Variants in KCNJ6 observed in about 807,000 individuals in gnomAD.
KCNJ6 encodes potassium inwardly rectifying channel subfamily J member 6, also known as G protein-activated inward rectifier potassium channel 2.
KCNJ6 carries 9 observed loss-of-function variants against 34.2 expected under a neutral mutation model. The ratio of observed to expected loss-of-function variants is 0.26; its 90% CI spans 0.16 to 0.46. The LOEUF is 0.46. KCNJ6 is among the 20% of genes least tolerant of loss of function. The pLI, the probability that KCNJ6 is intolerant of heterozygous loss-of-function variation, is 1.00. For missense variants in KCNJ6, 236 were observed against 531.3 expected (o/e 0.44, Z 5.46); for synonymous variants, 196 against 207.1 (o/e 0.95, Z 0.46).
At chr21:37,691,677 A>G (rs2054640363) in intron 3 of KCNJ6, among the ~76,000 whole-genome samples, 1 of 152,160 alleles carries the variant, frequency 6.6e-6, no homozygotes. Context: ...TTTTTGGCAA[A>G]TCCAAAATCT....
At chr21:37,734,666 C>T (rs1027692796) in intron 2 of KCNJ6, among the ~76,000 whole-genome samples, 17 of 151,994 alleles carry the variant, frequency 1.1e-4, no homozygotes, top group Admixed American at 8.5e-4. Flanking sequence ...TACATCCTTG[C>T]AGTGGGGGTG....
In KCNJ6 at chr21:37,613,956, T is replaced by C. The variant is rs892147295; in HGVS notation, c.*11203A>G. On this transcript the variant is annotated 3_prime_UTR_variant, in exon 4 of 4. Transcript: ENST00000609713. ...CTCATCCATTTCCACAGATGTACCA[T>C]TGTGGTTTGGCATATCACTCGTGGG... 1 of 138,578 alleles carries C rather than the reference T, an allele frequency of 7.2e-6. No individual in the cohort carries two copies. Among genetic ancestry groups the C allele is most frequent in the African/African-American group, 2.6e-5 (1 of 39,164 alleles). 8.6% of individuals were successfully genotyped at this position (138,578 alleles called of 1,614,324 possible).
chr21:37,728,962 G>A lies in KCNJ6; in HGVS notation c.26-13831C>T, dbSNP rs2054869955. 3.3e-5 allele frequency among the ~76,000 whole-genome samples: 5 copies of A among 152,268 alleles called. No individual in the cohort carries two copies. In the South Asian group the frequency reaches 8.3e-4, roughly 25 times the overall value. On this transcript the variant is annotated intron_variant, in intron 2 of 3. Coordinates refer to ENST00000609713, the MANE Select transcript of KCNJ6 (RefSeq NM_002240.5). The stretch of plus-strand genomic sequence containing the variant: ...TGTCTGTGTTGTCATGTGAAGGTGA[G>A]CTGGTTTTGATTTGCTGTGTCCCTT...
intron 1 of KCNJ6, among the ~76,000 whole-genome samples, chr21:37,899,891 T>C (rs2055808208): frequency 6.6e-6 from 1 of 152,206 alleles, no homozygotes; most frequent in Admixed American, 6.5e-5. Flanking sequence ...GGTGTTTGCT[T>C]GGTGTCTGAT....
intron 2 of KCNJ6, among the ~76,000 whole-genome samples, chr21:37,737,159 C>T (rs2054917279): frequency 6.6e-6 from 1 of 152,200 alleles, no homozygotes; most frequent in Non-Finnish European, 1.5e-5. Context: ...CACTGTGCAT[C>T]AGTGCCCGAT....
intron 3 of KCNJ6, among the ~76,000 whole-genome samples, chr21:37,655,999 G>T (rs930250609): frequency 6.6e-6 from 1 of 152,126 alleles, no homozygotes; most frequent in Non-Finnish European, 1.5e-5. Context: ...CATGGCCCAT[G>T]GGGGGGCCTT....
chr21:37,901,972 T>C (rs2055819018), intron 1 of KCNJ6, among the ~76,000 whole-genome samples: 1 of 152,210 alleles, frequency 6.6e-6, no homozygotes, highest in Non-Finnish European at 1.5e-5. Flanking sequence ...ATTTTGTAGC[T>C]AGAAAACCTG....
In KCNJ6 at chr21:37,610,096, G is replaced by A. The variant is rs1396045326; in HGVS notation, c.*15063C>T. 6.6e-6 allele frequency: 1 copy of A among 152,194 alleles called. No individual in the cohort carries two copies. Among genetic ancestry groups the A allele is most frequent in the Non-Finnish European group, 1.5e-5 (1 of 68,072 alleles). 9.4% of individuals were successfully genotyped at this position (152,194 alleles called of 1,614,324 possible). ...AGTTAATTTCCCTGCTGCCAGCAAG[G>A]GAATCAGTTAAATGATGAAAACAGC... On this transcript the variant is annotated 3_prime_UTR_variant, in exon 4 of 4. Transcript: ENST00000609713.
intron 1 of KCNJ6, among the ~76,000 whole-genome samples, chr21:37,880,337 C>T (rs985210896): frequency 3.4e-4 from 51 of 152,220 alleles, no homozygotes; most frequent in African/African-American, 1.2e-3. Flanking sequence ...TGTACACCAC[C>T]TCTCACCTCT....
intron 1 of KCNJ6, among the ~76,000 whole-genome samples, chr21:37,878,788 G>A (rs548022005): frequency 6.6e-6 from 1 of 152,344 alleles, no homozygotes; most frequent in East Asian, 1.9e-4. Flanking sequence ...AGAGCGGTAT[G>A]TGGGAGGGGG....
At chr21:37,892,440 T>G (rs2055766709) in intron 1 of KCNJ6, among the ~76,000 whole-genome samples, 2 of 152,204 alleles carry the variant, frequency 1.3e-5, no homozygotes, top group Admixed American at 6.5e-5. Flanking sequence ...TTAATGACTG[T>G]TAGTATCTGG....
chr21:37,671,021 ATATT>A (rs1304304726), intron 3 of KCNJ6, among the ~76,000 whole-genome samples: 2 of 152,168 alleles, frequency 1.3e-5, no homozygotes, highest in Non-Finnish European at 2.9e-5. Context: ...TGTGAAATAT[ATATT>A]TGGCCTTTAT....
At chr21:37,807,801 C>T (rs2055301191) in intron 2 of KCNJ6, among the ~76,000 whole-genome samples, 1 of 152,212 alleles carries the variant, frequency 6.6e-6, no homozygotes, top group Non-Finnish European at 1.5e-5. Context: ...CATGGCTTTG[C>T]TCCGCAGGCC....
chr21:37,863,883 A>G (rs1227816590), intron 1 of KCNJ6, among the ~76,000 whole-genome samples: 1 of 71,328 alleles, frequency 1.4e-5, no homozygotes, highest in East Asian at 3.9e-4. Context: ...TTTGGTGAAG[A>G]GAGAGAAGGT....
At chr21:37,703,830 G>A (rs1416605033) in intron 3 of KCNJ6, among the ~76,000 whole-genome samples, 1 of 136 alleles carries the variant, frequency 7.4e-3, no homozygotes, top group Admixed American at 0.056. Context: ...TGCCTGGCTG[G>A]CACAGGGAAC....
At chr21:37,631,705 T>C (rs1290517420) in intron 3 of KCNJ6, among the ~76,000 whole-genome samples, 1 of 151,854 alleles carries the variant, frequency 6.6e-6, no homozygotes, top group African/African-American at 2.4e-5. Flanking sequence ...GCAGAACAAG[T>C]GCTGGCAAGA....
intron 1 of KCNJ6, among the ~76,000 whole-genome samples, chr21:37,882,880 A>G (rs1336440826): frequency 6.6e-6 from 1 of 152,356 alleles, no homozygotes; most frequent in Middle Eastern, 3.4e-3. Flanking sequence ...TTCCATAGTC[A>G]TAGGGCTTGT....
intron 3 of KCNJ6, among the ~76,000 whole-genome samples, chr21:37,672,736 CTCCCTTCCCCT>C (rs2054547603): frequency 6.6e-6 from 1 of 152,054 alleles, no homozygotes; most frequent in African/African-American, 2.4e-5. Context: ...TTCTCTTTTT[CTCCCTTCCCCT>C]TCCCTTCCCT....
chr21:37,824,532 C>G (rs927602677), intron 2 of KCNJ6, among the ~76,000 whole-genome samples: 2 of 152,226 alleles, frequency 1.3e-5, no homozygotes, highest in East Asian at 3.9e-4. Flanking sequence ...TGTCCCCACT[C>G]CAATCTCATC....
Sources: allele counts gnomAD v4.1 joint callset (sites outside exome capture counted in the v4.1 genomes callset), GRCh38; gene constraint gnomAD v4.1.1; transcripts MANE v1.5; gene names NCBI Gene and HGNC (gene_info 2026-07-23, HGNC 2026-07-21).